NUP160: variants seen among roughly 807,000 people sequenced by gnomAD.
NUP160 encodes the protein nuclear pore complex protein Nup160.
Under a neutral mutation model 196.9 loss-of-function variants are expected in NUP160, and 94 were observed. The ratio of observed to expected loss-of-function variants is 0.48; its 90% confidence interval spans 0.40 to 0.57. The LOEUF (loss-of-function observed/expected upper bound fraction) is 0.57. NUP160 is among the 20% of genes least tolerant of loss of function. The pLI, the probability that NUP160 is intolerant of heterozygous loss-of-function variation, is 0.00. For missense variants in NUP160, 1,638 were observed against 1,748.3 expected (o/e 0.94, Z 1.13); for synonymous variants, 605 against 619.7 (o/e 0.98, Z 0.35).
At chr11:47,779,047 G>GAACCT in exon 36 of NUP160, 1 of 1,211,692 alleles carries the variant, frequency 8.3e-7, no homozygotes, top group Non-Finnish European at 1.2e-6. Context: ...GTTCCTGTAG[G>GAACCT]GTAGTCTTAA....
At chr11:47,827,045 C>A (rs1337390646) in intron 7 of NUP160, 1 of 456,098 alleles carries the variant, frequency 2.2e-6, no homozygotes, top group Admixed American at 2.4e-5. Flanking sequence ...TAAAGGGGAA[C>A]CTCCTCAACA....
intron 21 of NUP160, 147 bp from the exon 22 acceptor site, chr11:47,803,683 C>T (rs1483158119): frequency 3.3e-6 from 2 of 598,718 alleles, no homozygotes; most frequent in African/African-American, 3.8e-5. Context: ...TTAAAACCTA[C>T]CCCTGTTGCC....
chr11:47,805,135 CT>C (rs767059863), intron 20 of NUP160, among the ~76,000 whole-genome samples: 137 of 145,598 alleles, frequency 9.4e-4, no homozygotes, highest in Admixed American at 9.0e-4. Context: ...GAATGAATGT[CT>C]TTTTTTTTTT....
At chr11:47,808,354 C>T in intron 18 of NUP160, 42 bp downstream of exon 18, 3 of 1,560,492 alleles carry the variant, frequency 1.9e-6, no homozygotes, top group Non-Finnish European at 2.6e-6. Context: ...AATAATTAAA[C>T]TCACAATTTA....
chr11:47,808,589 T>C, intron 17 of NUP160, 60 bp from the exon 18 acceptor site: 8 of 1,417,486 alleles, frequency 5.6e-6, no homozygotes, highest in Non-Finnish European at 4.9e-6. Context: ...ATGGTAACTC[T>C]TACGGCTCAG....
At chr11:47,832,090 A>G (rs1222902625) in intron 7 of NUP160, among the ~76,000 whole-genome samples, 1 of 151,678 alleles carries the variant, frequency 6.6e-6, no homozygotes, top group Admixed American at 6.6e-5. Context: ...TTAGTAGAGA[A>G]GGAGTTTCAC....
intron 4 of NUP160, chr11:47,839,627 T>A (rs1339893089): frequency 3.5e-6 from 2 of 568,000 alleles, no homozygotes; most frequent in Non-Finnish European, 6.3e-6. Flanking sequence ...GGCTGTCTTA[T>A]ACTTGTCTAT....
chr11:47,835,800 A>T, exon 7 of NUP160: 1 of 1,583,546 alleles, frequency 6.3e-7, no homozygotes, highest in Non-Finnish European at 8.6e-7. Context: ...ACCATTAGGC[A>T]CATTTGCTCC....
exon 36 of NUP160, chr11:47,778,583 T>C (rs1418372345): frequency 6.5e-6 from 1 of 152,732 alleles, no homozygotes; most frequent in Non-Finnish European, 1.5e-5. Context: ...TAATACTCAA[T>C]TGAAGATCAT....
At chr11:47,817,072 C>A (rs1851743372) in intron 11 of NUP160, among the ~76,000 whole-genome samples, 1 of 151,226 alleles carries the variant, frequency 6.6e-6, no homozygotes, top group Non-Finnish European at 1.5e-5. Flanking sequence ...ACCTCCTGGG[C>A]TAAAGCAGTC....
Position 47,840,382 on chromosome 11 carries a change from C to G in NUP160, c.521G>C (p.Arg174Thr). The G allele has an allele frequency of 6.2e-7, 1 of 1,613,128 alleles. No homozygotes were observed. The highest frequency in any genetic ancestry group is 1.1e-5 in the South Asian group (1 of 91,072). The change falls in exon 3 of 36, where the codon AGG becomes ACG. Residue 174 changes from arginine to threonine, a missense_variant. Around this residue, in one of 3 missense-constraint regions of NUP160, gnomAD observed 287 missense variants for 259.5 expected, o/e 1.11. Transcript: ENST00000378460. The stretch of plus-strand genomic sequence containing the variant: ...TATTGCACTTAGCCAACTTACACTC[C>G]TATACATCCGGGAGGGGTGTGGTAA...
chr11:47,819,501 T>C (rs755818672), intron 9 of NUP160, 43 bp from the exon 10 acceptor site: 2 of 1,409,712 alleles, frequency 1.4e-6, no homozygotes, highest in Non-Finnish European at 2.0e-6. Context: ...AAATGATCAC[T>C]AAAAATGAAA....
At chr11:47,785,098 A>ATTATTTTTTTTTTTT in intron 32 of NUP160, 35 bp from the exon 33 acceptor site, 4 of 1,137,350 alleles carry the variant, frequency 3.5e-6, no homozygotes, top group Non-Finnish European at 3.7e-6. Flanking sequence ...TGAGTTTCAG[A>ATTATTTTTTTTTTTT]TTCTTAATAG....
chr11:47,806,790 T>TACACACACAC (rs57141346), intron 19 of NUP160, among the ~76,000 whole-genome samples: 16 of 111,894 alleles, frequency 1.4e-4, no homozygotes, highest in African/African-American at 5.3e-4. Context: ...AAAGCAGCTA[T>TACACACACAC]ACACACACAC....
At chr11:47,784,844 T>C in intron 33 of NUP160, 78 bp downstream of exon 33, 1 of 1,133,856 alleles carries the variant, frequency 8.8e-7, no homozygotes, top group Non-Finnish European at 1.2e-6. Context: ...AATCAGTCCA[T>C]ATTTTTAATC....
At chr11:47,848,302 G>C (rs765692147) in exon 1 of NUP160, 3 of 1,613,824 alleles carry the variant, frequency 1.9e-6, no homozygotes, top group South Asian at 1.1e-5. Context: ...CCGTTCCAGG[G>C]CTCCCGCCGC....
chr11:47,835,753 G>C (rs753597878), exon 7 of NUP160: 2 of 1,604,508 alleles, frequency 1.2e-6, no homozygotes, highest in South Asian at 2.3e-5. Flanking sequence ...TAAGCCGAAG[G>C]TCTTTCTTCA....
At chr11:47,835,655 C>T in exon 7 of NUP160, 1 of 1,576,234 alleles carries the variant, frequency 6.3e-7, no homozygotes, top group Non-Finnish European at 8.6e-7. Flanking sequence ...TCATACCTGT[C>T]CTCGTTTTGG....
chr11:47,815,679 C>T, intron 12 of NUP160, 30 bp from the exon 13 acceptor site: 1 of 1,528,936 alleles, frequency 6.5e-7, no homozygotes, highest in Non-Finnish European at 8.8e-7. Context: ...AGAAATTAAA[C>T]TTTTGATGCC....
Sources: gnomAD v4.1 joint callset for allele counts (sites outside exome capture counted in the v4.1 genomes callset) on GRCh38, gnomAD v4.1.1 for gene constraint, gnomAD v4.1.1 regional missense constraint, MANE v1.5 for transcripts, NCBI Gene and HGNC (gene_info 2026-07-23, HGNC 2026-07-21) for gene names.